Variants in HSF2 observed in about 807,000 individuals in gnomAD.
The protein encoded by HSF2 is heat shock transcription factor 2.
In HSF2, 21 loss-of-function variants were observed where a neutral mutation model predicts 65.0. The ratio of observed to expected loss-of-function variants is 0.32; its 90% confidence interval spans 0.23 to 0.47. The LOEUF (loss-of-function observed/expected upper bound fraction) is 0.47. Ranked by LOEUF, HSF2 falls within the 20% of genes least tolerant of loss-of-function variation. The pLI, the probability that HSF2 is intolerant of heterozygous loss-of-function variation, is 1.00. For missense variants in HSF2, 499 were observed against 628.1 expected, an observed-to-expected ratio of 0.79 and a Z score of 2.20; for synonymous variants, 225 against 219.1, an observed-to-expected ratio of 1.03 and a Z score of -0.24.
chr6:122,403,845 G>A (rs543897577), intron 1 of HSF2, among the ~76,000 whole-genome samples: 17 of 152,242 alleles, frequency 1.1e-4, no homozygotes, highest in African/African-American at 4.1e-4. Flanking sequence ...TAAAGAGAGG[G>A]CACATATTAG....
At chr6:122,423,849 G>A (rs1387534639) in intron 10 of HSF2, among the ~76,000 whole-genome samples, 163 bp downstream of exon 10, 1 of 151,974 alleles carries the variant, frequency 6.6e-6, no homozygotes, top group Non-Finnish European at 1.5e-5. Context: ...AATAGGTTTG[G>A]GACATTGAAG....
rs1257382926 is a variant in HSF2 at position 122,412,356 on chromosome 6, T to C, written c.94-17T>C. 3 of 1,469,070 alleles carry C rather than the reference T, an allele frequency of 2.0e-6. No homozygotes were observed. Among genetic ancestry groups the C allele is most frequent in the East Asian group, 2.3e-5 (1 of 44,178 alleles). The allele number at this position is 1,469,070 out of a possible 1,614,324, so 91.0% of individuals were successfully genotyped here. On this transcript the variant is annotated splice_polypyrimidine_tract_variant and intron_variant, in intron 1 of 12. Coordinates refer to ENST00000368455, the MANE Select transcript of HSF2 (RefSeq NM_004506.4). ...ACTTAACTAATTTACTTTTTCTTTT[T>C]TTTTTTCCCCTTGCAGAATGGCCAA...
chr6:122,415,883 G>T (rs755175326), intron 4 of HSF2, among the ~76,000 whole-genome samples: 1 of 152,090 alleles, frequency 6.6e-6, no homozygotes, highest in Non-Finnish European at 1.5e-5. Flanking sequence ...TGGTTGTGGT[G>T]GCACATGCCT....
At chr6:122,431,787 T>G in intron 12 of HSF2, 138 bp from the exon 13 acceptor site, 1 of 694,248 alleles carries the variant, frequency 1.4e-6, no homozygotes, top group South Asian at 2.0e-5. Flanking sequence ...TTTATTGACA[T>G]AGTGCATCAT....
intron 8 of HSF2, 118 bp from the exon 9 acceptor site, chr6:122,422,600 G>A (rs1774261564): frequency 1.9e-6 from 2 of 1,065,058 alleles, no homozygotes; most frequent in Non-Finnish European, 2.8e-6. Context: ...GCTCGCTCAA[G>A]AAATTTAAGC....
At chr6:122,430,315 T>TA (rs1774433523) in intron 11 of HSF2, among the ~76,000 whole-genome samples, 1 of 152,214 alleles carries the variant, frequency 6.6e-6, no homozygotes, top group Non-Finnish European at 1.5e-5. Flanking sequence ...TAGTATTCTC[T>TA]GATGGTAGTT....
intron 3 of HSF2, 120 bp from the exon 4 acceptor site, chr6:122,413,405 T>C (rs917224104): frequency 3.0e-6 from 2 of 674,266 alleles, no homozygotes; most frequent in Admixed American, 6.2e-5. Flanking sequence ...CATCCCGGGC[T>C]TTTGGAACCA....
At chr6:122,418,523 ATTAAAGATT>A (rs1359604578) in intron 5 of HSF2, among the ~76,000 whole-genome samples, 1 of 152,240 alleles carries the variant, frequency 6.6e-6, no homozygotes, top group African/African-American at 2.4e-5. Context: ...TTAATTAAAT[ATTAAAGATT>A]AGCTTCCCTT....
At chr6:122,404,417 T>A (rs1360878118) in intron 1 of HSF2, among the ~76,000 whole-genome samples, 1 of 152,222 alleles carries the variant, frequency 6.6e-6, no homozygotes, top group Non-Finnish European at 1.5e-5. Flanking sequence ...GATTTTCAAG[T>A]ATTTTTATTT....
At chr6:122,400,019 G>C (rs909398353) in intron 1 of HSF2, among the ~76,000 whole-genome samples, 189 bp downstream of exon 1, 4 of 152,202 alleles carry the variant, frequency 2.6e-5, no homozygotes, top group African/African-American at 4.8e-5. Flanking sequence ...GGGCCCGGCC[G>C]GCAGCGCCGC....
upstream of HSF2, chr6:122,399,551 A>T (rs45508592): frequency 1.3e-3 from 737 of 562,974 alleles, 5 homozygotes; most frequent in African/African-American, 0.013. Flanking sequence ...GAGCGCGGAG[A>T]CTTGTCCGTC....
chr6:122,399,571 C>G (rs1172683054), upstream of HSF2: 4 of 587,476 alleles, frequency 6.8e-6, no homozygotes, highest in East Asian at 3.1e-5. Context: ...CACGTGCGGC[C>G]GCCCGGCCTC....
rs978918081 is a variant in HSF2, at chr6:122,426,237, T to C, written c.1177-1666T>C. On this transcript the variant is annotated intron_variant, in intron 10 of 12. Transcript: ENST00000368455. ...AAAATGGTAAGAATGTGAATAAGTG[T>C]GCTGAAAAGTTTACAGCTTCTCTCT... 2.6e-5 allele frequency among the ~76,000 whole-genome samples: 4 copies of C among 152,250 alleles called. No individual in the cohort carries two copies. The East Asian group carries it at 7.7e-4, about 29-fold the overall frequency.
chr6:122,416,215 A>G lies in HSF2; in HGVS notation c.456-6A>G. 6.3e-7 allele frequency: 1 copy of G among 1,575,458 alleles called. No homozygotes were observed. ...TTGTTTTGTTGCTTAATAAATTATA[A>G]CATAGTGAGAATGAGTCCCTTTGGA... On this transcript the variant is annotated splice_polypyrimidine_tract_variant and splice_region_variant and intron_variant, in intron 4 of 12. Coordinates refer to ENST00000368455, the MANE Select transcript of HSF2 (RefSeq NM_004506.4).
intron 1 of HSF2, among the ~76,000 whole-genome samples, chr6:122,403,941 A>C (rs769417155): frequency 6.6e-6 from 1 of 152,248 alleles, no homozygotes; most frequent in African/African-American, 2.4e-5. Flanking sequence ...AGCCTTTACG[A>C]GTTAATGAAA....
rs148580664 is a variant in HSF2, at chr6:122,408,522, A to C, written c.94-3851A>C. Among the ~76,000 whole-genome samples, 22 of 152,144 alleles carry C rather than the reference A, an allele frequency of 1.4e-4. No homozygotes were observed. In the East Asian group the frequency reaches 4.2e-3, roughly 29 times the overall value. Reference sequence around the variant, plus strand: ...TGTTCATTTTCTTCCTGGATATCTTATATATGTTGTAAATGGTGTTCTTGA... The same window carrying C: ...TGTTCATTTTCTTCCTGGATATCTTCTATATGTTGTAAATGGTGTTCTTGA... On this transcript the variant is annotated intron_variant, in intron 1 of 12. Transcript: ENST00000368455.
chr6:122,416,332 T>C (rs771044520), intron 5 of HSF2, 36 bp downstream of exon 5: 46 of 1,427,294 alleles, frequency 3.2e-5, no homozygotes, highest in Non-Finnish European at 4.6e-5. Flanking sequence ...ATAATTTGCA[T>C]TTGTTTAATG....
intron 1 of HSF2, among the ~76,000 whole-genome samples, chr6:122,411,672 T>A (rs1773998350): frequency 6.6e-6 from 1 of 151,972 alleles, no homozygotes; most frequent in East Asian, 1.9e-4. Flanking sequence ...CAGCACCATT[T>A]GTTGAAAAGA....
At chr6:122,400,171 C>G (rs1773693693) in intron 1 of HSF2, among the ~76,000 whole-genome samples, 2 of 152,150 alleles carry the variant, frequency 1.3e-5, no homozygotes, top group African/African-American at 4.8e-5. Flanking sequence ...AGCCTCTTTA[C>G]TGCACACTCA....
Sources: allele counts gnomAD v4.1 joint callset (sites outside exome capture counted in the v4.1 genomes callset), GRCh38; gene constraint gnomAD v4.1.1; transcripts MANE v1.5; gene names NCBI Gene and HGNC (gene_info 2026-07-23, HGNC 2026-07-21).